CENPH: variants seen among roughly 807,000 people sequenced by gnomAD.
CENPH encodes the protein centromere protein H.
A neutral mutation model predicts 42.9 loss-of-function variants in CENPH; 40 were observed. The observed-to-expected ratio is 0.93, with a 90% CI of 0.72 to 1.21. The LOEUF (loss-of-function observed/expected upper bound fraction) is 1.21. Among genes scored for constraint, CENPH ranks in the 50% most tolerant of loss-of-function variants. CENPH has a pLI of 0.00. For missense variants in CENPH, 302 were observed against 292.9 expected, an observed-to-expected ratio of 1.03 and a Z score of -0.23; for synonymous variants, 88 against 96.5, an observed-to-expected ratio of 0.91 and a Z score of 0.52.
intron 7 of CENPH, among the ~76,000 whole-genome samples, chr5:69,205,633 C>T (rs1748142192): frequency 6.6e-6 from 1 of 151,788 alleles, no homozygotes; most frequent in South Asian, 2.1e-4. Flanking sequence ...TTCACCTCAG[C>T]ATCCCTGATA....
intron 5 of CENPH, among the ~76,000 whole-genome samples, chr5:69,197,707 A>C (rs1747986498): frequency 1.3e-5 from 2 of 151,986 alleles, no homozygotes; most frequent in South Asian, 4.2e-4. Flanking sequence ...ATGCTAAATG[A>C]CGAGTTAATG....
intron 1 of CENPH, among the ~76,000 whole-genome samples, chr5:69,191,493 G>A (rs1305641881): frequency 1.3e-5 from 2 of 152,134 alleles, no homozygotes; most frequent in African/African-American, 4.8e-5. Context: ...GCCTGGGCAA[G>A]AGTGCAAGAC....
At chr5:69,206,251 C>T (rs191715786) in intron 7 of CENPH, among the ~76,000 whole-genome samples, 119 of 151,056 alleles carry the variant, frequency 7.9e-4, no homozygotes, top group African/African-American at 2.8e-3. Flanking sequence ...GGCGTGATCT[C>T]GGCTCACTGC....
intron 5 of CENPH, among the ~76,000 whole-genome samples, chr5:69,201,237 A>G (rs908056312): frequency 6.6e-6 from 1 of 152,124 alleles, no homozygotes; most frequent in African/African-American, 2.4e-5. Flanking sequence ...GTCTTATTCC[A>G]TACTGTTTTG....
At chr5:69,204,597 CTTTTTTTT>C (rs530678541) in intron 7 of CENPH, among the ~76,000 whole-genome samples, 6 of 69,598 alleles carry the variant, frequency 8.6e-5, no homozygotes, top group East Asian at 5.0e-4. Flanking sequence ...GCTTGTATTT[CTTTTTTTT>C]TTTTTTTTTT....
intron 5 of CENPH, among the ~76,000 whole-genome samples, chr5:69,202,206 T>C (rs1348521973): frequency 2.0e-5 from 3 of 152,236 alleles, no homozygotes; most frequent in Non-Finnish European, 4.4e-5. Flanking sequence ...TAGGAAGTTA[T>C]TAGGGTGTTT....
At chr5:69,204,597 C>CTTTTTTTTTTTTTTTTTTTTTT (rs530678541) in intron 7 of CENPH, among the ~76,000 whole-genome samples, 2 of 69,596 alleles carry the variant, frequency 2.9e-5, no homozygotes, top group Non-Finnish European at 5.0e-5. Context: ...GCTTGTATTT[C>CTTTTTTTTTTTTTTTTTTTTTT]TTTTTTTTTT....
chr5:69,199,737 T>G (rs1748027334), intron 5 of CENPH, among the ~76,000 whole-genome samples: 1 of 151,874 alleles, frequency 6.6e-6, no homozygotes, highest in Non-Finnish European at 1.5e-5. Context: ...ACTGGGAGGG[T>G]CAGTTTCTAT....
chr5:69,200,993 C>CT (rs1382346941), intron 5 of CENPH, among the ~76,000 whole-genome samples: 1,668 of 140,850 alleles, frequency 0.012, 32 homozygotes, highest in African/African-American at 0.039. Flanking sequence ...TGTACCTGAC[C>CT]TTTTTTTTTT....
intron 3 of CENPH, among the ~76,000 whole-genome samples, chr5:69,195,125 A>G (rs1420759455): frequency 6.6e-6 from 1 of 152,218 alleles, no homozygotes; most frequent in African/African-American, 2.4e-5. Flanking sequence ...GCTACTCGGG[A>G]GGCTGAGGCA....
At chr5:69,208,601 C>T (rs116486664) in intron 8 of CENPH, among the ~76,000 whole-genome samples, 3,823 of 152,132 alleles carry the variant, frequency 0.025, 165 homozygotes, top group African/African-American at 0.085. Flanking sequence ...TTAGGTGATC[C>T]GTCTGCCTCA....
chr5:69,200,093 A>G (rs545011735), intron 5 of CENPH, among the ~76,000 whole-genome samples: 1 of 150,208 alleles, frequency 6.7e-6, no homozygotes, highest in African/African-American at 2.5e-5. Context: ...AGCCTGGGCA[A>G]CAGAGTGAGA....
intron 2 of CENPH, 71 bp downstream of exon 2, chr5:69,191,921 A>G (rs376553111): frequency 4.9e-5 from 44 of 896,232 alleles, no homozygotes; most frequent in Non-Finnish European, 7.5e-5. Flanking sequence ...GGGTCTTGCT[A>G]TCACCCAGGC....
chr5:69,204,065 A>C (rs1369458067), intron 7 of CENPH, among the ~76,000 whole-genome samples: 1 of 106,952 alleles, frequency 9.3e-6, no homozygotes, highest in Non-Finnish European at 1.9e-5. Flanking sequence ...ATATATAAAT[A>C]TATATAATAT....
intron 8 of CENPH, among the ~76,000 whole-genome samples, 171 bp from the exon 9 acceptor site, chr5:69,209,536 G>A (rs1175286584): frequency 2.0e-5 from 3 of 149,162 alleles, no homozygotes; most frequent in South Asian, 2.1e-4. Context: ...GCAAGACTCC[G>A]ACTCAAAAAA....
intron 3 of CENPH, 66 bp from the exon 4 acceptor site, chr5:69,195,651 A>G: frequency 1.1e-6 from 1 of 910,758 alleles, no homozygotes; most frequent in Non-Finnish European, 1.8e-6. Flanking sequence ...CTTATTTTAT[A>G]CATTTATTTC....
At chr5:69,202,633 A>G (rs1339964642) in intron 6 of CENPH, 64 bp downstream of exon 6, 13 of 942,264 alleles carry the variant, frequency 1.4e-5, no homozygotes, top group Non-Finnish European at 1.9e-5. Flanking sequence ...CTTGCTGGTA[A>G]CTGTATTGTA....
Position 69,191,810 on chromosome 5 carries a change from A to C in CENPH, c.150A>C (p.Thr50=). The C allele has an allele frequency of 6.4e-7, 1 of 1,554,524 alleles. No homozygotes were observed. The highest frequency in any genetic ancestry group is 2.2e-5 in the East Asian group (1 of 44,520). Residue 50 remains threonine (T), a synonymous_variant, in exon 2 of 9, where the codon ACA becomes ACC. Transcript: ENST00000283006. Reference sequence around the variant, plus strand: ...CTGTTTTCAGGCTGAGAGCACAGACAAAACAACAACTCTTAGAATATAAAT... The same window carrying C: ...CTGTTTTCAGGCTGAGAGCACAGACCAAACAACAACTCTTAGAATATAAAT... ...MTLLLRLRAQ[T]KQQLLEYKSM...
intron 7 of CENPH, among the ~76,000 whole-genome samples, chr5:69,205,911 A>T (rs1748150754): frequency 6.7e-6 from 1 of 150,100 alleles, no homozygotes; most frequent in Non-Finnish European, 1.5e-5. Flanking sequence ...GGATTTCACC[A>T]TATTAGCTAG....
Sources: gnomAD v4.1 joint callset for allele counts (sites outside exome capture counted in the v4.1 genomes callset) on GRCh38, gnomAD v4.1.1 for gene constraint, MANE v1.5 for transcripts, NCBI Gene and HGNC (gene_info 2026-07-23, HGNC 2026-07-21) for gene names.